NR4A3: variants seen among roughly 807,000 people sequenced by gnomAD.
The protein encoded by NR4A3 is chondrosarcoma, extraskeletal myxoid, fused to EWS.
NR4A3 carries 13 observed loss-of-function variants against 55.6 expected under a neutral mutation model. The observed-to-expected ratio is 0.23, with a 90% CI of 0.15 to 0.37. The LOEUF (loss-of-function observed/expected upper bound fraction) is 0.37, where lower values mean the gene tolerates loss of function less well. Among genes scored for constraint, NR4A3 ranks in the 10% least tolerant of loss-of-function variants. NR4A3 has a pLI of 1.00. For synonymous variants in NR4A3, 342 were observed against 357.9 expected, an observed-to-expected ratio of 0.96 and a Z score of 0.50; for missense variants, 646 against 822.8, an observed-to-expected ratio of 0.79 and a Z score of 2.63.
chr9:99,848,615 A>C (rs1309586908), intron 7 of NR4A3, among the ~76,000 whole-genome samples: 4 of 152,228 alleles, frequency 2.6e-5, no homozygotes, highest in Non-Finnish European at 5.9e-5. Flanking sequence ...AAGTGCTGGG[A>C]TTCCTGGCGT....
chr9:99,838,163 T>C (rs908469858), intron 5 of NR4A3, among the ~76,000 whole-genome samples: 3 of 152,224 alleles, frequency 2.0e-5, no homozygotes, highest in African/African-American at 7.2e-5. Flanking sequence ...CAAGTATGTA[T>C]AGATACTGGG....
chr9:99,824,493 C>G (rs1242519420), intron 1 of NR4A3, among the ~76,000 whole-genome samples: 1 of 152,234 alleles, frequency 6.6e-6, no homozygotes, highest in Non-Finnish European at 1.5e-5. Flanking sequence ...GCTTTCCGTC[C>G]GAGCAGCTCC....
chr9:99,830,705 G>C (rs1046355636), intron 3 of NR4A3, among the ~76,000 whole-genome samples: 2 of 152,172 alleles, frequency 1.3e-5, no homozygotes, highest in Non-Finnish European at 2.9e-5. Flanking sequence ...CTACTTTCAA[G>C]TAACTGCATT....
In NR4A3 at chr9:99,828,809, T is replaced by C; in HGVS notation, c.767T>C (p.Phe256Ser). Residue 256 changes from phenylalanine to serine, a missense_variant, in exon 3 of 8, where the codon TTC (phenylalanine) becomes TCC (serine). Phe to Ser is a radical substitution (Grantham distance 155). Coordinates refer to ENST00000395097, the MANE Select transcript of NR4A3 (RefSeq NM_006981.4). The surrounding 1 kb of genome is among the most constrained non-coding windows in gnomAD (Gnocchi z 7.7). ...PLAKRAAPLA[F>S]PPLGLTPSPT... ...GCCAAGAGGGCGGCCCCGCTGGCCT[T>C]CCCGCCTCTCGGCCTCACGCCCTCC... 1 of 1,472,478 alleles carries C rather than the reference T, an allele frequency of 6.8e-7. No individual in the cohort carries two copies. The highest frequency in any genetic ancestry group is 9.0e-7 in the Non-Finnish European group (1 of 1,116,096). The allele number at this position is 1,472,478 out of a possible 1,614,324, so 91.2% of individuals were successfully genotyped here. A position where few individuals can be genotyped will look rare whatever the true frequency, so the allele number is the denominator to read the frequency against.
chr9:99,828,064 T>A lies in NR4A3; in HGVS notation c.22T>A (p.Tyr8Asn). The part of the protein sequence containing the change: MPCVQAQ[Y>N]SPSPPGSSYA... ...AGATATGCCCTGCGTCCAAGCCCAA[T>A]ATAGCCCTTCCCCTCCAGGTTCCAG... Residue 8 changes from tyrosine to asparagine, a missense_variant, in exon 3 of 8, where the codon TAT becomes AAT. By Grantham distance (143) the Tyr-to-Asn change is moderately radical. Around this residue, in one of 5 missense-constraint regions of NR4A3, gnomAD observed 426 missense variants for 429.4 expected, o/e 0.99. Coordinates refer to ENST00000395097, the MANE Select transcript of NR4A3 (RefSeq NM_006981.4). This position sits in a 1 kb window ranked among gnomAD's most constrained non-coding sequence, Gnocchi z 7.7. The A allele has an allele frequency of 6.2e-7, 1 of 1,613,866 alleles. No individual in the cohort carries two copies. Among genetic ancestry groups the A allele is most frequent in the South Asian group, 1.1e-5 (1 of 91,068 alleles).
Position 99,844,453 on chromosome 9 carries a change from G to A in NR4A3, c.1255-196G>A, listed in dbSNP as rs1827717610. Among the ~76,000 whole-genome samples, 4 of 152,236 alleles carry A rather than the reference G, an allele frequency of 2.6e-5. No homozygotes were observed. In the South Asian group the frequency reaches 6.2e-4, roughly 24 times the overall value. On this transcript the variant is annotated intron_variant, in intron 5 of 7. Transcript: ENST00000395097. ...ATTTCCTTGTCTATTAAGTGATAAC[G>A]ATAAAATTTGCTGTATTTGTATCAC...
intron 7 of NR4A3, among the ~76,000 whole-genome samples, chr9:99,859,512 A>G (rs1270788485): frequency 6.6e-6 from 1 of 152,200 alleles, no homozygotes; most frequent in East Asian, 1.9e-4. Context: ...GTTCAAAACA[A>G]CAAAGAGGGT....
chr9:99,842,161 A>G (rs948490221), intron 5 of NR4A3, among the ~76,000 whole-genome samples: 1 of 151,490 alleles, frequency 6.6e-6, no homozygotes, highest in African/African-American at 2.4e-5. Flanking sequence ...GAAAACACAA[A>G]GAAAAAAAGA....
At chr9:99,849,142 T>C (rs1262286213) in intron 7 of NR4A3, among the ~76,000 whole-genome samples, 1 of 152,230 alleles carries the variant, frequency 6.6e-6, no homozygotes, top group Non-Finnish European at 1.5e-5. Context: ...TGCCCAAGCA[T>C]TGTTTACTTG....
chr9:99,848,149 C>T (rs1827788050), intron 7 of NR4A3, among the ~76,000 whole-genome samples: 1 of 152,158 alleles, frequency 6.6e-6, no homozygotes, highest in Non-Finnish European at 1.5e-5. Context: ...AGGGAGATTA[C>T]CTAACCCAGC....
intron 7 of NR4A3, among the ~76,000 whole-genome samples, chr9:99,848,314 C>G (rs1385051260): frequency 2.0e-5 from 3 of 152,192 alleles, no homozygotes; most frequent in African/African-American, 7.2e-5. Flanking sequence ...AATGGTTCAA[C>G]TCAGCAGTTT....
At chr9:99,839,502 T>C (rs1827614972) in intron 5 of NR4A3, among the ~76,000 whole-genome samples, 1 of 152,186 alleles carries the variant, frequency 6.6e-6, no homozygotes, top group Non-Finnish European at 1.5e-5. Flanking sequence ...CACACAAATA[T>C]CTCATTTGGG....
chr9:99,857,755 C>CAAATAAATAAAT lies in NR4A3; in HGVS notation c.1634-5834_1634-5823dup, dbSNP rs71370972. 7.0e-3 allele frequency among the ~76,000 whole-genome samples: 990 copies of CAAATAAATAAAT among 141,350 alleles called. 6 individuals are homozygous for CAAATAAATAAAT. The highest frequency in any genetic ancestry group is 0.018 in the Middle Eastern group (5 of 282). 92.7% of individuals were successfully genotyped at this position (141,350 alleles called of 152,430 possible). On this transcript the variant is annotated intron_variant, in intron 7 of 7. Coordinates refer to ENST00000395097, the MANE Select transcript of NR4A3 (RefSeq NM_006981.4). ...GGCGACAGAGCAAGACTCTGTCTCA[C>CAAATAAATAAAT]AAATAAATAAATAAATAAATAAATA...
At chr9:99,859,980 A>T (rs1284695906) in intron 7 of NR4A3, among the ~76,000 whole-genome samples, 1 of 152,222 alleles carries the variant, frequency 6.6e-6, no homozygotes. Flanking sequence ...TGATCATGTT[A>T]TAGCATTCAA....
At position 99,847,634 on chromosome 9, in the gene NR4A3, A is replaced by G. The variant is rs770986671; in HGVS notation, c.1633+19A>G. Reference sequence around the variant, plus strand: ...ATCACAGGTAAGCACCACCTTGCCAAAACCGCATCCTCATTTCTCTCCTTC... The same window carrying G: ...ATCACAGGTAAGCACCACCTTGCCAGAACCGCATCCTCATTTCTCTCCTTC... On this transcript the variant is annotated intron_variant, in intron 7 of 7. Coordinates refer to ENST00000395097, the MANE Select transcript of NR4A3 (RefSeq NM_006981.4). 9 of 1,610,556 alleles carry G rather than the reference A, an allele frequency of 5.6e-6. No individual in the cohort carries two copies. Among genetic ancestry groups the G allele is most frequent in the Non-Finnish European group, 7.6e-6 (9 of 1,177,684 alleles).
chr9:99,851,049 C>G (rs905750769), intron 7 of NR4A3, among the ~76,000 whole-genome samples: 1 of 152,210 alleles, frequency 6.6e-6, no homozygotes, highest in Non-Finnish European at 1.5e-5. Context: ...CAAGCACTTA[C>G]AATAGACCAA....
In NR4A3 at chr9:99,828,606, C is replaced by T. The variant is rs768247967; in HGVS notation, c.564C>T (p.Phe188=). The change falls in exon 3 of 8, where the codon TTC becomes TTT. Residue 188 remains phenylalanine (F), a synonymous_variant. Transcript: ENST00000395097. The surrounding 1 kb of genome is among the most constrained non-coding windows in gnomAD (Gnocchi z 7.7). The part of the protein sequence containing the change: ...KAVPTVAGAR[F]PLFHFKPSPP... Reference sequence around the variant, plus strand: ...TCCCCACGGTGGCCGGCGCGCGCTTCCCGCTCTTCCACTTCAAGCCCTCGC... The same window carrying T: ...TCCCCACGGTGGCCGGCGCGCGCTTTCCGCTCTTCCACTTCAAGCCCTCGC... 6.5e-7 allele frequency: 1 copy of T among 1,536,644 alleles called. No homozygotes were observed. The highest frequency in any genetic ancestry group is 1.2e-5 in the South Asian group (1 of 84,410).
At chr9:99,856,730 C>T (rs576925519) in intron 7 of NR4A3, among the ~76,000 whole-genome samples, 5 of 152,318 alleles carry the variant, frequency 3.3e-5, no homozygotes, top group Middle Eastern at 3.4e-3. Flanking sequence ...CAGAGCTTCT[C>T]CAGCATTCAC....
At chr9:99,847,702 AGAAAAGTGG>A in intron 7 of NR4A3, 87 bp downstream of exon 7, 1 of 1,266,168 alleles carries the variant, frequency 7.9e-7, no homozygotes, top group Non-Finnish European at 1.1e-6. Flanking sequence ...TACACACACC[AGAAAAGTGG>A]GAAAATGACT....
Sources: allele counts gnomAD v4.1 joint callset (sites outside exome capture counted in the v4.1 genomes callset), GRCh38; gene constraint gnomAD v4.1.1; regional missense constraint gnomAD v4.1.1; non-coding constraint Gnocchi (gnomAD v3.1); transcripts MANE v1.5; gene names NCBI Gene and HGNC (gene_info 2026-07-23, HGNC 2026-07-21).